Variants in D2HGDH observed in about 807,000 individuals in gnomAD.
D2HGDH encodes the protein D-2-hydroxyglutarate dehydrogenase.
Under a neutral mutation model 46.9 loss-of-function variants are expected in D2HGDH, and 31 were observed. The observed-to-expected ratio is 0.66, with a 90% CI of 0.50 to 0.89. The LOEUF is 0.89. Ranked by LOEUF, D2HGDH falls within the 40% of genes least tolerant of loss-of-function variation. The pLI is 0.00. For missense variants in D2HGDH, 698 were observed against 720.8 expected, an observed-to-expected ratio of 0.97 and a Z score of 0.36; for synonymous variants, 364 against 332.6, an observed-to-expected ratio of 1.09 and a Z score of -1.03.
Position 241,735,511 on chromosome 2 carries a change from T to A in D2HGDH, c.287T>A (p.Leu96Gln), listed in dbSNP as rs754637748. The change falls in exon 2 of 10, where the codon CTG becomes CAG. Residue 96 changes from leucine (L) to glutamine (Q), a missense_variant. Coordinates refer to ENST00000321264, the MANE Select transcript of D2HGDH (RefSeq NM_152783.5). ...CCCAACGTGGACTGGTTGCGGACGC[T>A]GCGAGGTGGGTGAGGCTTGGGAAGC... ...QAPNVDWLRT[L>Q]RGCSKVLLRP... is the part of the protein sequence containing the mutation. The A allele has an allele frequency of 1.2e-6, 2 of 1,605,804 alleles. No individual in the cohort carries two copies. The highest frequency in any genetic ancestry group is 3.3e-5 in the Admixed American group (2 of 59,984).
At chr2:241,749,281 C>T (rs1696670298) in intron 6 of D2HGDH, 1 of 1,284,812 alleles carries the variant, frequency 7.8e-7, no homozygotes. Flanking sequence ...TGAGGTGCTC[C>T]TGTGTCACCC....
intron 9 of D2HGDH, among the ~76,000 whole-genome samples, chr2:241,758,769 A>G (rs7591060): frequency 0.25 from 33,184 of 131,920 alleles, 4,436 homozygotes; most frequent in African/African-American, 0.37. Context: ...CCCACAATAT[A>G]TGTGTGTGTG....
chr2:241,738,768 G>C (rs563719960), intron 2 of D2HGDH, among the ~76,000 whole-genome samples: 4 of 152,198 alleles, frequency 2.6e-5, no homozygotes, highest in Non-Finnish European at 5.9e-5. Context: ...CTTCCTCTGC[G>C]TCCTGCTGCC....
intron 6 of D2HGDH, chr2:241,748,986 C>T (rs1418097088): frequency 2.4e-6 from 3 of 1,249,770 alleles, no homozygotes; most frequent in Admixed American, 5.1e-5. Context: ...ACGCCCACGT[C>T]TAAGCCGGGT....
Position 241,767,954 on chromosome 2 carries a change from G to T in D2HGDH, c.1551G>T (p.Leu517=). The T allele has an allele frequency of 6.3e-7, 1 of 1,592,374 alleles. No individual in the cohort carries two copies. The highest frequency in any genetic ancestry group is 8.5e-7 in the Non-Finnish European group (1 of 1,172,368). ...PKGILNPYKT[L]PSQA is the part of the protein sequence containing the mutation. ...GCATCCTCAACCCCTACAAGACGCT[G>T]CCCAGCCAGGCCTGACGGCCACTCC... Residue 517 remains leucine (L), a synonymous_variant, in exon 10 of 10, where the codon CTG becomes CTT. Coordinates refer to ENST00000321264, the MANE Select transcript of D2HGDH (RefSeq NM_152783.5).
intron 6 of D2HGDH, chr2:241,749,900 C>T: frequency 1.7e-6 from 1 of 571,510 alleles, no homozygotes. Flanking sequence ...CGTGCACCTT[C>T]TCCTGATCTG....
intron 9 of D2HGDH, among the ~76,000 whole-genome samples, chr2:241,762,928 G>A (rs111543205): frequency 0.14 from 21,054 of 152,176 alleles, 1,602 homozygotes; most frequent in African/African-American, 0.18. Flanking sequence ...TAGCCGTGGT[G>A]GTTTGTCTTC....
Position 241,735,452 on chromosome 2 carries a change from C to T in D2HGDH, c.228C>T (p.Gly76=), listed in dbSNP as rs771597564. Reference sequence around the variant, plus strand: ...CCGCCTTTGAGCGCATCGTGCCCGGCGGGGTCGTCACGGACCCGGAAGCGC... The same window carrying T: ...CCGCCTTTGAGCGCATCGTGCCCGGTGGGGTCGTCACGGACCCGGAAGCGC... The part of the protein sequence containing the change: ...DLAAFERIVP[G]GVVTDPEALQ... Residue 76 remains glycine, a synonymous_variant, in exon 2 of 10, where the codon GGC becomes GGT. Coordinates refer to ENST00000321264, the MANE Select transcript of D2HGDH (RefSeq NM_152783.5). 23 of 1,609,618 alleles carry T rather than the reference C, an allele frequency of 1.4e-5. No individual in the cohort carries two copies. The East Asian group carries it at 4.7e-4, about 33-fold the overall frequency.
At position 241,755,489 on chromosome 2, in the gene D2HGDH, C is replaced by T. The variant is rs1242293315; in HGVS notation, c.1141-360C>T. ...ACCTGAAGCTGCAGGTGGGCGCCTC[C>T]CCCTTCCGTCATGGCTGTCCCCCTT... On this transcript the variant is annotated intron_variant, in intron 8 of 9. Transcript: ENST00000321264. 9.7e-6 allele frequency: 13 copies of T among 1,334,202 alleles called. No homozygotes were observed. The Middle Eastern group carries it at 6.2e-4, about 63-fold the overall frequency. 82.6% of individuals were successfully genotyped at this position (1,334,202 alleles called of 1,614,324 possible).
intron 8 of D2HGDH, among the ~76,000 whole-genome samples, chr2:241,751,784 T>G (rs1341245576): frequency 6.6e-6 from 1 of 151,712 alleles, no homozygotes; most frequent in East Asian, 1.9e-4. Context: ...ACCTCGGGAG[T>G]CCTAGGATGG....
intron 9 of D2HGDH, among the ~76,000 whole-genome samples, chr2:241,761,999 T>G (rs1348733838): frequency 6.6e-6 from 1 of 151,866 alleles, no homozygotes; most frequent in Non-Finnish European, 1.5e-5. Flanking sequence ...ACAGCCTCAG[T>G]TCAGGGCAGT....
rs773884148 is a variant in D2HGDH at position 241,755,581 on chromosome 2, G to A, written c.1141-268G>A. ...TGCTCGGTGCTGTCGTGGAGCCTGG[G>A]ACATTCACTGTCTGGGATTGATTCC... On this transcript the variant is annotated intron_variant, in intron 8 of 9. Coordinates refer to ENST00000321264, the MANE Select transcript of D2HGDH (RefSeq NM_152783.5). 5 of 1,475,192 alleles carry A rather than the reference G, an allele frequency of 3.4e-6. No homozygotes were observed. The East Asian group carries it at 8.6e-5, about 25-fold the overall frequency. 91.4% of individuals were successfully genotyped at this position (1,475,192 alleles called of 1,614,324 possible).
chr2:241,755,735 C>T (rs747771336), intron 8 of D2HGDH, 114 bp from the exon 9 acceptor site: 5 of 1,595,926 alleles, frequency 3.1e-6, no homozygotes, highest in Middle Eastern at 1.6e-4. Flanking sequence ...GGGTCGGAGC[C>T]TCACCTGGTG....
chr2:241,738,090 G>T (rs1693429274), intron 2 of D2HGDH, among the ~76,000 whole-genome samples: 1 of 152,206 alleles, frequency 6.6e-6, no homozygotes. Context: ...GAAAGGCTGG[G>T]AGTCACTGGA....
At chr2:241,749,988 G>T in intron 6 of D2HGDH, 163 bp from the exon 7 acceptor site, 2 of 1,023,992 alleles carry the variant, frequency 2.0e-6, no homozygotes, top group South Asian at 1.4e-5. Context: ...GCACCTGCCA[G>T]GCAAACCCTG....
intron 9 of D2HGDH, among the ~76,000 whole-genome samples, chr2:241,764,894 C>T (rs905837724): frequency 6.6e-6 from 1 of 152,236 alleles, no homozygotes; most frequent in African/African-American, 2.4e-5. Context: ...CTGTCCCCAG[C>T]CTCTTCTCTG....
chr2:241,736,726 A>G (rs953758165), intron 2 of D2HGDH, among the ~76,000 whole-genome samples: 5 of 150,220 alleles, frequency 3.3e-5, no homozygotes, highest in South Asian at 4.2e-4. Context: ...CTGGAGTGCA[A>G]TGGTGCAATC....
chr2:241,759,168 T>C (rs1698503948), intron 9 of D2HGDH, among the ~76,000 whole-genome samples: 1 of 152,138 alleles, frequency 6.6e-6, no homozygotes, highest in Admixed American at 6.6e-5. Flanking sequence ...AAGAATGTGC[T>C]CTCTGCAGTT....
intron 8 of D2HGDH, among the ~76,000 whole-genome samples, chr2:241,754,228 A>G (rs756687854): frequency 6.6e-6 from 1 of 152,180 alleles, no homozygotes; most frequent in Non-Finnish European, 1.5e-5. Context: ...CCGCCAGACC[A>G]TGGAGGCGAA....
Sources: allele counts gnomAD v4.1 joint callset (sites outside exome capture counted in the v4.1 genomes callset), GRCh38; gene constraint gnomAD v4.1.1; transcripts MANE v1.5; gene names NCBI Gene and HGNC (gene_info 2026-07-23, HGNC 2026-07-21).